The following AIG1 variants were observed in gnomAD, a reference collection of about 807,000 sequenced individuals.
AIG1 encodes the protein androgen induced 1, also known as androgen-induced gene 1 protein.
A neutral mutation model predicts 31.4 loss-of-function variants in AIG1; 23 were observed. The observed-to-expected ratio is 0.73, with a 90% CI of 0.53 to 1.04. AIG1 has a LOEUF of 1.04. AIG1 is among the 50% of genes least tolerant of loss of function. The pLI, the probability that AIG1 is intolerant of heterozygous loss-of-function variation, is 0.00. For synonymous variants in AIG1, 100 were observed against 110.5 expected, an observed-to-expected ratio of 0.90 and a Z score of 0.60; for missense variants, 274 against 295.0, an observed-to-expected ratio of 0.93 and a Z score of 0.52.
chr6:143,222,454 T>C (rs960731215), intron 3 of AIG1, among the ~76,000 whole-genome samples: 1 of 152,126 alleles, frequency 6.6e-6, no homozygotes, highest in African/African-American at 2.4e-5. Flanking sequence ...AGGGAAGTAG[T>C]GTGGCGTGAT....
chr6:143,175,871 C>T (rs1217687249), intron 3 of AIG1, among the ~76,000 whole-genome samples: 2 of 152,124 alleles, frequency 1.3e-5, no homozygotes, highest in African/African-American at 4.8e-5. Context: ...TTTGGTGGTG[C>T]TAAATAACCT....
chr6:143,157,909 T>C lies in AIG1; in HGVS notation c.298-7173T>C, dbSNP rs9403451. Among the ~76,000 whole-genome samples the C allele has an allele frequency of 2.8e-3, 432 of 152,284 alleles. 14 individuals carry two copies. The East Asian group carries it at 0.051, about 18-fold the overall frequency. On this transcript the variant is annotated intron_variant, in intron 2 of 5. Coordinates refer to ENST00000357847, the MANE Select transcript of AIG1 (RefSeq NM_016108.4). ...TTATCTATGACTACATTCCATACTG[T>C]TTCATTTCTTGTGATTATGCATTCT...
chr6:143,226,985 CTTTTTTTTTT>C (rs11431811), intron 3 of AIG1, among the ~76,000 whole-genome samples: 1 of 113,622 alleles, frequency 8.8e-6, no homozygotes, highest in Non-Finnish European at 1.8e-5. Flanking sequence ...GAGTTTTTGT[CTTTTTTTTTT>C]TTTTTTTTTT....
At chr6:143,075,078 A>G (rs1777611823) in intron 1 of AIG1, among the ~76,000 whole-genome samples, 1 of 152,168 alleles carries the variant, frequency 6.6e-6, no homozygotes, top group African/African-American at 2.4e-5. Flanking sequence ...ATAATTGGTC[A>G]ATTTCATCTT....
At chr6:143,187,772 C>T in intron 3 of AIG1, 2 of 1,514,512 alleles carry the variant, frequency 1.3e-6, no homozygotes, top group South Asian at 1.2e-5. Context: ...ACAAGAAGGA[C>T]ATTTGGAAAT....
At chr6:143,137,302 C>T (rs1232924779) in intron 2 of AIG1, among the ~76,000 whole-genome samples, 2 of 152,130 alleles carry the variant, frequency 1.3e-5, no homozygotes, top group Non-Finnish European at 2.9e-5. Flanking sequence ...CCTAAACTTC[C>T]TATTTTTATA....
At chr6:143,109,775 T>A (rs1412042185) in intron 1 of AIG1, among the ~76,000 whole-genome samples, 8 of 152,182 alleles carry the variant, frequency 5.3e-5, no homozygotes, top group East Asian at 1.9e-4. Flanking sequence ...TTAAAAAAAA[T>A]TTGTTCATTT....
At chr6:143,214,801 C>G (rs1791885314) in intron 3 of AIG1, among the ~76,000 whole-genome samples, 1 of 152,162 alleles carries the variant, frequency 6.6e-6, no homozygotes, top group African/African-American at 2.4e-5. Context: ...CCTGTTCTCT[C>G]CCTTTCCCCT....
chr6:143,169,258 C>G (rs1787266236), intron 3 of AIG1, among the ~76,000 whole-genome samples: 2 of 152,000 alleles, frequency 1.3e-5, no homozygotes. Context: ...TCCCTGCCTC[C>G]TTTGTATACC....
At chr6:143,186,451 G>T (rs374869461) in intron 3 of AIG1, among the ~76,000 whole-genome samples, 3 of 152,044 alleles carry the variant, frequency 2.0e-5, no homozygotes, top group Non-Finnish European at 1.5e-5. Flanking sequence ...TCCCCTTTAC[G>T]CAACCCATTT....
intron 4 of AIG1, among the ~76,000 whole-genome samples, chr6:143,308,145 C>T (rs1453493252): frequency 6.6e-6 from 1 of 152,260 alleles, no homozygotes; most frequent in Non-Finnish European, 1.5e-5. Flanking sequence ...AACTCCCTGA[C>T]CCCTTGCGCT....
chr6:143,316,235 G>T (rs1302627484), intron 4 of AIG1, among the ~76,000 whole-genome samples: 2 of 152,022 alleles, frequency 1.3e-5, no homozygotes, highest in Non-Finnish European at 2.9e-5. Context: ...GCATTTAAAA[G>T]GATAAAATGA....
intron 3 of AIG1, among the ~76,000 whole-genome samples, chr6:143,271,949 G>C (rs181729388): frequency 2.0e-5 from 3 of 152,250 alleles, no homozygotes; most frequent in African/African-American, 7.2e-5. Flanking sequence ...TGCTTAAGGG[G>C]AAGTCATACT....
intron 1 of AIG1, among the ~76,000 whole-genome samples, chr6:143,087,703 G>T (rs1037334918): frequency 2.0e-5 from 3 of 152,142 alleles, no homozygotes; most frequent in African/African-American, 7.2e-5. Flanking sequence ...ACCCAAAAGG[G>T]GTTGCCCTTA....
intron 3 of AIG1, among the ~76,000 whole-genome samples, chr6:143,243,055 G>A (rs922152637): frequency 6.6e-6 from 1 of 152,094 alleles, no homozygotes; most frequent in Non-Finnish European, 1.5e-5. Flanking sequence ...AAATGTTTGT[G>A]GGCAGATAGA....
intron 3 of AIG1, among the ~76,000 whole-genome samples, chr6:143,176,094 C>A (rs1788130625): frequency 1.3e-5 from 2 of 152,218 alleles, no homozygotes; most frequent in Admixed American, 1.3e-4. Flanking sequence ...TCTAGCCACC[C>A]AGTGGAGCTG....
At chr6:143,270,358 A>G (rs896401527) in intron 3 of AIG1, among the ~76,000 whole-genome samples, 1 of 152,354 alleles carries the variant, frequency 6.6e-6, no homozygotes, top group South Asian at 2.1e-4. Context: ...GACCTGAAAA[A>G]GGCATAGGAA....
intron 2 of AIG1, among the ~76,000 whole-genome samples, chr6:143,159,441 GA>G (rs1562441079): frequency 6.6e-6 from 1 of 152,000 alleles, no homozygotes; most frequent in East Asian, 1.9e-4. Flanking sequence ...TAAAACCCAC[GA>G]AAAAAAGAGC....
At chr6:143,134,396 CTTTTTT>C (rs61322198) in intron 1 of AIG1, among the ~76,000 whole-genome samples, 1 of 111,408 alleles carries the variant, frequency 9.0e-6, no homozygotes, top group Non-Finnish European at 2.0e-5. Context: ...TCCTGGTTTC[CTTTTTT>C]TTTTTTTTTT....
Sources: gnomAD v4.1 joint callset for allele counts (sites outside exome capture counted in the v4.1 genomes callset) on GRCh38, gnomAD v4.1.1 for gene constraint, MANE v1.5 for transcripts, NCBI Gene and HGNC (gene_info 2026-07-23, HGNC 2026-07-21) for gene names.